SNX14: variants seen among roughly 807,000 people sequenced by gnomAD.
SNX14 encodes sorting nexin 14.
In SNX14, 93 loss-of-function variants were observed where a neutral mutation model predicts 133.8. The observed-to-expected ratio is 0.70, with a 90% confidence interval of 0.59 to 0.83. The LOEUF (loss-of-function observed/expected upper bound fraction) is 0.83, where lower values mean the gene tolerates loss of function less well. Among genes scored for constraint, SNX14 ranks in the 40% least tolerant of loss-of-function variants. The probability of loss-of-function intolerance (pLI) is 0.00; values close to 1 mark genes in which losing one functional copy is unlikely to be tolerated. For synonymous variants in SNX14, 368 were observed against 365.6 expected (o/e 1.01, Z -0.07); for missense variants, 945 against 1,094.9 (o/e 0.86, Z 1.93).
Position 85,543,176 on chromosome 6 carries a change from A to T in SNX14, c.1389+6T>A. 1 of 1,534,004 alleles carries T rather than the reference A, an allele frequency of 6.5e-7. No individual in the cohort carries two copies. On this transcript the variant is annotated splice_donor_region_variant and intron_variant, in intron 14 of 28. Coordinates refer to ENST00000314673, the MANE Select transcript of SNX14 (RefSeq NM_153816.6). The stretch of plus-strand genomic sequence containing the variant: ...ATCCTCAAACAAGGTTAATATTTTG[A>T]CTTACCTCATCACTATGGCAGAACA...
chr6:85,508,518 C>A, intron 26 of SNX14: 1 of 346,836 alleles, frequency 2.9e-6, no homozygotes. Context: ...CAGAAGATAG[C>A]TTCTACTTTT....
chr6:85,586,064 G>C (rs1800747796), intron 1 of SNX14, among the ~76,000 whole-genome samples: 1 of 150,424 alleles, frequency 6.6e-6, no homozygotes. Flanking sequence ...ATACAAATGT[G>C]AGGATTAAAA....
In SNX14 at chr6:85,549,831, G is replaced by A; in HGVS notation, c.683C>T (p.Pro228Leu). ...ACTTCTCAAAGCAACATGAAGCTCTGGACCATATTCTTCTAAAGCAGCTTG... is the reference window on the plus strand; with the variant it reads ...ACTTCTCAAAGCAACATGAAGCTCTAGACCATATTCTTCTAAAGCAGCTTG... ...LQQAALEEYGPELHVALRSRR... is the reference protein window; with the variant it reads ...LQQAALEEYGLELHVALRSRR... The change falls in exon 8 of 29, where the codon CCA becomes CTA. Residue 228 changes from proline (P) to leucine (L), a missense_variant. Coordinates refer to ENST00000314673, the MANE Select transcript of SNX14 (RefSeq NM_153816.6). 6.2e-7 allele frequency: 1 copy of A among 1,613,692 alleles called. No individual in the cohort carries two copies. Among genetic ancestry groups the A allele is most frequent in the Non-Finnish European group, 8.5e-7 (1 of 1,179,798 alleles).
At position 85,506,003 on chromosome 6, in the gene SNX14, T is replaced by C; in HGVS notation, c.2805A>G (p.Val935=). The change falls in exon 29 of 29, where the codon GTA becomes GTG. Residue 935 remains valine (V), a splice_region_variant and synonymous_variant. Transcript: ENST00000314673. Reference sequence around the variant, plus strand: ...ATGTCACAGAGGTAACTTCCTTTTGTACCTAAAGTAAAAATAAATCCATTT... The same window carrying C: ...ATGTCACAGAGGTAACTTCCTTTTGCACCTAAAGTAAAAATAAATCCATTT... ...IQELFPELNK[V]QKEVTSVTSW... 6.3e-7 allele frequency: 1 copy of C among 1,586,760 alleles called. No homozygotes were observed.
intron 1 of SNX14, among the ~76,000 whole-genome samples, chr6:85,577,946 C>T (rs1490597188): frequency 6.6e-6 from 1 of 152,130 alleles, no homozygotes; most frequent in Non-Finnish European, 1.5e-5. Flanking sequence ...CAAAAGGCTA[C>T]AACGGATTGA....
Position 85,543,883 on chromosome 6 carries a change from T to C in SNX14, c.1109-123A>G, listed in dbSNP as rs112464861. 5.8e-3 allele frequency: 2,695 copies of C among 464,102 alleles called. 64 individuals are homozygous for C. The highest frequency in any genetic ancestry group is 0.051 in the African/African-American group (2,493 of 49,366). 28.7% of individuals were successfully genotyped at this position (464,102 alleles called of 1,614,324 possible). ...GCAATTAGAAGCAATCTAATTCATCTAAGTTTTTAAAAAATATTTGAGAAT... is the reference window on the plus strand; with the variant it reads ...GCAATTAGAAGCAATCTAATTCATCCAAGTTTTTAAAAAATATTTGAGAAT... On this transcript the variant is annotated intron_variant, in intron 12 of 28. Transcript: ENST00000314673.
intron 1 of SNX14, among the ~76,000 whole-genome samples, chr6:85,575,046 G>A (rs1294581130): frequency 2.0e-5 from 3 of 152,208 alleles, no homozygotes; most frequent in East Asian, 1.9e-4. Context: ...TGGGAGACTG[G>A]AGAAGAGGCA....
chr6:85,529,577 A>G lies in SNX14; in HGVS notation c.1894+615T>C, dbSNP rs1335063813. On this transcript the variant is annotated intron_variant, in intron 19 of 28. Transcript: ENST00000314673. ...CTGCACCAGATTGGTAGAGAGAAAG[A>G]TAAAACCATTTGAACACAAGTACAA... is the stretch of plus-strand genomic sequence containing the variant. Among the ~76,000 whole-genome samples, 5 of 152,364 alleles carry G rather than the reference A, an allele frequency of 3.3e-5. No individual in the cohort carries two copies. The South Asian group carries it at 1.0e-3, about 32-fold the overall frequency.
At position 85,593,723 on chromosome 6, in the gene SNX14, G is replaced by T. The variant is rs748594716; in HGVS notation, c.-5C>A. ...CGTCCGCACCCAGGGCACCATCTCC[G>T]TAACGGCGAGGCCGAGACTGCGCTA... On this transcript the variant is annotated 5_prime_UTR_variant, in exon 1 of 29. Transcript: ENST00000314673. 6.2e-7 allele frequency: 1 copy of T among 1,613,446 alleles called. No homozygotes were observed. Among genetic ancestry groups the T allele is most frequent in the Non-Finnish European group, 8.5e-7 (1 of 1,179,922 alleles).
intron 1 of SNX14, among the ~76,000 whole-genome samples, chr6:85,586,399 G>T (rs1800874426): frequency 6.6e-6 from 1 of 152,144 alleles, no homozygotes; most frequent in Admixed American, 6.5e-5. Flanking sequence ...AAGACATTTA[G>T]AAAAGCTTGA....
intron 21 of SNX14, among the ~76,000 whole-genome samples, chr6:85,519,368 C>T (rs987571187): frequency 1.3e-5 from 2 of 152,148 alleles, no homozygotes; most frequent in Admixed American, 1.3e-4. Flanking sequence ...CAGGGTGGCT[C>T]CACGCCTGTA....
chr6:85,531,237 C>A (rs1172256982), intron 18 of SNX14, among the ~76,000 whole-genome samples: 1 of 152,206 alleles, frequency 6.6e-6, no homozygotes, highest in Non-Finnish European at 1.5e-5. Flanking sequence ...AACCCCACCC[C>A]CATTTACCAT....
chr6:85,560,679 A>G (rs1281718657), intron 6 of SNX14, among the ~76,000 whole-genome samples: 1 of 152,240 alleles, frequency 6.6e-6, no homozygotes, highest in Non-Finnish European at 1.5e-5. Context: ...ACATACATAT[A>G]TATCTATAAA....
At chr6:85,584,577 A>T (rs945837691) in intron 1 of SNX14, among the ~76,000 whole-genome samples, 7 of 152,208 alleles carry the variant, frequency 4.6e-5, no homozygotes, top group African/African-American at 1.7e-4. Flanking sequence ...CCCCATCAAA[A>T]AGTGGGCGAA....
At chr6:85,562,582 C>CTTTTTTTTTTTT (rs201175458) in intron 6 of SNX14, among the ~76,000 whole-genome samples, 6 of 94,844 alleles carry the variant, frequency 6.3e-5, no homozygotes, top group South Asian at 3.5e-4. Flanking sequence ...ACTTTTTGGG[C>CTTTTTTTTTTTT]TTTTTTTTTT....
intron 1 of SNX14, among the ~76,000 whole-genome samples, chr6:85,593,300 G>C (rs1352486727): frequency 6.6e-6 from 1 of 152,220 alleles, no homozygotes; most frequent in East Asian, 1.9e-4. Context: ...CTTTTGAAAA[G>C]CAACGAAGAT....
chr6:85,577,814 A>G (rs963546029), intron 1 of SNX14, among the ~76,000 whole-genome samples: 1 of 152,210 alleles, frequency 6.6e-6, no homozygotes, highest in Non-Finnish European at 1.5e-5. Context: ...AGAAAAAAAA[A>G]TACTACAGAA....
chr6:85,511,038 A>G (rs2127773212), intron 26 of SNX14, among the ~76,000 whole-genome samples: 1 of 152,304 alleles, frequency 6.6e-6, no homozygotes, highest in East Asian at 1.9e-4. Context: ...TGAAAACAGA[A>G]TATTTCTATC....
At chr6:85,531,063 C>T (rs1320340526) in intron 18 of SNX14, among the ~76,000 whole-genome samples, 2 of 152,156 alleles carry the variant, frequency 1.3e-5, no homozygotes, top group African/African-American at 4.8e-5. Context: ...CATGTTGCCA[C>T]TGAGTACTTG....
Sources: allele counts gnomAD v4.1 joint callset (sites outside exome capture counted in the v4.1 genomes callset), GRCh38; gene constraint gnomAD v4.1.1; transcripts MANE v1.5; gene names NCBI Gene and HGNC (gene_info 2026-07-23, HGNC 2026-07-21).